The following ADCY2 variants were observed in gnomAD, a reference collection of about 807,000 sequenced individuals.
ADCY2 encodes adenylate cyclase type 2.
Under a neutral mutation model 125.2 loss-of-function variants are expected in ADCY2, and 31 were observed. That is an observed-to-expected ratio of 0.25 (90% CI 0.19 to 0.33). The LOEUF (loss-of-function observed/expected upper bound fraction) is 0.33. Ranked by LOEUF, ADCY2 falls within the 10% of genes least tolerant of loss-of-function variation. ADCY2 has a pLI of 1.00. For missense variants in ADCY2, 904 were observed against 1,418.2 expected, an observed-to-expected ratio of 0.64 and a Z score of 5.82; for synonymous variants, 512 against 548.4, an observed-to-expected ratio of 0.93 and a Z score of 0.93.
chr5:7,487,316 G>A (rs746751131), intron 2 of ADCY2, among the ~76,000 whole-genome samples: 12 of 152,076 alleles, frequency 7.9e-5, no homozygotes, highest in Non-Finnish European at 1.6e-4. Context: ...TCTCTGAAAT[G>A]ACCCCCACCA....
At chr5:7,723,084 G>T (rs1741815649) in intron 12 of ADCY2, among the ~76,000 whole-genome samples, 1 of 150,364 alleles carries the variant, frequency 6.7e-6, no homozygotes. Context: ...CCTTATAAGT[G>T]GGATGAGAGA....
At chr5:7,584,503 AAT>A (rs1736556042) in intron 3 of ADCY2, among the ~76,000 whole-genome samples, 2 of 152,156 alleles carry the variant, frequency 1.3e-5, no homozygotes, top group Non-Finnish European at 2.9e-5. Flanking sequence ...TTCATAAAGA[AAT>A]AGATCAAAAA....
At chr5:7,409,411 C>T (rs934643070) in intron 1 of ADCY2, among the ~76,000 whole-genome samples, 5 of 152,194 alleles carry the variant, frequency 3.3e-5, no homozygotes, top group African/African-American at 1.2e-4. Context: ...ATAAAATTCA[C>T]ATTATGTTTT....
chr5:7,567,215 A>G (rs576974180), intron 3 of ADCY2, among the ~76,000 whole-genome samples: 26 of 152,154 alleles, frequency 1.7e-4, no homozygotes, highest in Admixed American at 3.3e-4. Flanking sequence ...TTACTACTGT[A>G]TTATCTTTGA....
At chr5:7,742,664 T>A (rs529076248) in intron 14 of ADCY2, among the ~76,000 whole-genome samples, 125 of 152,210 alleles carry the variant, frequency 8.2e-4, no homozygotes, top group Non-Finnish European at 1.3e-3. Context: ...CTCAGGGCAC[T>A]AACTGCTCAA....
intron 3 of ADCY2, among the ~76,000 whole-genome samples, chr5:7,586,784 T>C (rs556258409): frequency 1.3e-5 from 2 of 152,212 alleles, no homozygotes; most frequent in East Asian, 3.9e-4. Context: ...CTCTTTAATT[T>C]ACGACAAAGG....
intron 14 of ADCY2, among the ~76,000 whole-genome samples, chr5:7,729,776 C>A (rs1331297693): frequency 6.8e-6 from 1 of 147,692 alleles, no homozygotes. Context: ...TCATGTATAT[C>A]TTTCTTTTAG....
chr5:7,766,079 T>C (rs1743366704), intron 16 of ADCY2, among the ~76,000 whole-genome samples: 1 of 152,106 alleles, frequency 6.6e-6, no homozygotes, highest in Non-Finnish European at 1.5e-5. Flanking sequence ...ATTACCTTTT[T>C]TGTTTTTTTA....
intron 15 of ADCY2, among the ~76,000 whole-genome samples, chr5:7,755,679 T>C (rs745783845): frequency 2.0e-5 from 3 of 152,130 alleles, no homozygotes; most frequent in Non-Finnish European, 4.4e-5. Context: ...GAGAGGATCA[T>C]TAATTTGCGC....
intron 3 of ADCY2, among the ~76,000 whole-genome samples, chr5:7,549,649 G>A (rs528965626): frequency 1.0e-3 from 155 of 152,162 alleles, no homozygotes; most frequent in Non-Finnish European, 1.7e-3. Context: ...GACTCCTTTG[G>A]CTAAATTTTG....
rs112937371 is a variant in ADCY2, at chr5:7,704,873, A to G, written c.1110-1871A>G. ...AACCTGGGTGACAGAGTGAGACTCC[A>G]TCTCCAAAAAAAAAAAAAAAAAATT... On this transcript the variant is annotated intron_variant, in intron 7 of 24. Coordinates refer to ENST00000338316, the MANE Select transcript of ADCY2 (RefSeq NM_020546.3). Among the ~76,000 whole-genome samples the G allele has an allele frequency of 2.2e-3, 329 of 149,760 alleles. 2 individuals carry two copies. The highest frequency in any genetic ancestry group is 7.5e-3 in the African/African-American group (306 of 40,542).
chr5:7,421,094 C>T (rs142395641), intron 2 of ADCY2, among the ~76,000 whole-genome samples: 20 of 152,220 alleles, frequency 1.3e-4, no homozygotes, highest in African/African-American at 4.6e-4. Flanking sequence ...CCAGTCCCAC[C>T]GGAAGGAACA....
chr5:7,448,024 C>T (rs919395326), intron 2 of ADCY2, among the ~76,000 whole-genome samples: 5 of 152,128 alleles, frequency 3.3e-5, no homozygotes, highest in Non-Finnish European at 7.4e-5. Context: ...AGAGGCCTCC[C>T]AAATATCTTG....
chr5:7,553,586 T>A (rs186093275), intron 3 of ADCY2, among the ~76,000 whole-genome samples: 32 of 152,324 alleles, frequency 2.1e-4, no homozygotes, highest in African/African-American at 7.0e-4. Flanking sequence ...CTAAAGTCAG[T>A]TGGGCCTGGG....
intron 15 of ADCY2, among the ~76,000 whole-genome samples, chr5:7,752,648 T>C (rs148025420): frequency 1.3e-5 from 2 of 151,950 alleles, no homozygotes; most frequent in Non-Finnish European, 2.9e-5. Flanking sequence ...TAGATTTAAC[T>C]TAATTTGAGA....
intron 19 of ADCY2, among the ~76,000 whole-genome samples, chr5:7,787,126 G>A (rs891131572): frequency 1.3e-5 from 2 of 152,170 alleles, no homozygotes; most frequent in Non-Finnish European, 2.9e-5. Flanking sequence ...GGCAGAATCC[G>A]AGAGGTGGGT....
intron 5 of ADCY2, among the ~76,000 whole-genome samples, chr5:7,693,406 GTTTTTTGTTTT>G (rs1358696427): frequency 8.5e-5 from 5 of 58,658 alleles, no homozygotes; most frequent in Admixed American, 1.8e-4. Context: ...ATTGCCTGCT[GTTTTTTGTTTT>G]TTTTTTTTTT....
rs143267668 is a variant in ADCY2 at position 7,459,595 on chromosome 5, C to T, written c.408+44825C>T. ...GAACAGTATTGGCAACTTGAAGAGTCGTTGGGATCAGTGTTATGTTCTTGC... is the reference window on the plus strand; with the variant it reads ...GAACAGTATTGGCAACTTGAAGAGTTGTTGGGATCAGTGTTATGTTCTTGC... On this transcript the variant is annotated intron_variant, in intron 2 of 24. Coordinates refer to ENST00000338316, the MANE Select transcript of ADCY2 (RefSeq NM_020546.3). 2.5e-3 allele frequency among the ~76,000 whole-genome samples: 375 copies of T among 152,056 alleles called. 1 individual carries two copies. Among genetic ancestry groups the T allele is most frequent in the African/African-American group, 8.6e-3 (355 of 41,472 alleles).
chr5:7,663,772 G>C (rs887147905), intron 4 of ADCY2, among the ~76,000 whole-genome samples: 8 of 152,124 alleles, frequency 5.3e-5, no homozygotes, highest in African/African-American at 1.7e-4. Flanking sequence ...CTAGCAAGTG[G>C]GGCCCTGAGA....
Sources: allele counts gnomAD v4.1 joint callset (sites outside exome capture counted in the v4.1 genomes callset), GRCh38; gene constraint gnomAD v4.1.1; transcripts MANE v1.5; gene names NCBI Gene and HGNC (gene_info 2026-07-23, HGNC 2026-07-21).